The following HNRNPH1 variants were observed in gnomAD, a reference collection of about 807,000 sequenced individuals.
HNRNPH1 encodes heterogeneous nuclear ribonucleoprotein H1.
Under a neutral mutation model 58.6 loss-of-function variants are expected in HNRNPH1, and 4 were observed. That is an observed-to-expected ratio of 0.07 (90% confidence interval 0.03 to 0.16). HNRNPH1 has a LOEUF of 0.16. Ranked by LOEUF, HNRNPH1 falls within the 10% of genes least tolerant of loss-of-function variation. HNRNPH1 has a pLI of 1.00. For missense variants in HNRNPH1, 271 were observed against 564.2 expected, an observed-to-expected ratio of 0.48 and a Z score of 5.26; for synonymous variants, 192 against 189.2, an observed-to-expected ratio of 1.01 and a Z score of -0.12.
exon 1 of HNRNPH1, chr5:179,624,643 A>G (rs1774184890): frequency 2.5e-6 from 1 of 398,646 alleles, no homozygotes; most frequent in Non-Finnish European, 4.4e-6. Flanking sequence ...CTGCGAGATG[A>G]CTAATGTTCG....
exon 1 of HNRNPH1, chr5:179,624,600 G>A (rs1411206416): frequency 2.5e-6 from 1 of 398,660 alleles, no homozygotes; most frequent in Non-Finnish European, 4.4e-6. Context: ...CTGCATTCGA[G>A]GAGGCCCCCG....
chr5:179,627,112 A>G (rs1245186303), upstream of HNRNPH1, among the ~76,000 whole-genome samples: 1 of 152,100 alleles, frequency 6.6e-6, no homozygotes, highest in Admixed American at 6.5e-5. Context: ...CAGTTTACAG[A>G]GCTCTTTATT....
chr5:179,616,007 G>A, intron 11 of HNRNPH1, 119 bp downstream of exon 12: 2 of 821,184 alleles, frequency 2.4e-6, no homozygotes, highest in Non-Finnish European at 4.1e-6. Context: ...CCAACTAAAG[G>A]CACCTGCCTG....
At chr5:179,615,845 G>A in intron 11 of HNRNPH1, 1 of 520,610 alleles carries the variant, frequency 1.9e-6, no homozygotes, top group Non-Finnish European at 3.4e-6. Flanking sequence ...TGGCTCGACA[G>A]TATTCCAAAG....
chr5:179,614,670 T>A, exon 13 of HNRNPH1: 1 of 531,478 alleles, frequency 1.9e-6, no homozygotes, highest in African/African-American at 1.9e-5. Context: ...TAGATGAGTA[T>A]TGTATTCAAA....
intron 11 of HNRNPH1, 142 bp downstream of exon 12, chr5:179,615,984 A>G (rs1223231392): frequency 5.9e-6 from 4 of 680,882 alleles, no homozygotes; most frequent in Non-Finnish European, 1.1e-5. Flanking sequence ...CACCGAAAGG[A>G]GCCTGCATCT....
At chr5:179,623,002 C>T in intron 1 of HNRNPH1, 35 bp downstream of exon 2, 1 of 1,036,314 alleles carries the variant, frequency 9.6e-7, no homozygotes, top group Non-Finnish European at 1.3e-6. Flanking sequence ...GCCCCGGCCT[C>T]GAACTCGAAC....
chr5:179,619,210 A>G, intron 4 of HNRNPH1, 59 bp downstream of exon 5: 1 of 1,396,336 alleles, frequency 7.2e-7, no homozygotes, highest in Non-Finnish European at 9.9e-7. Context: ...CAGAGAGAAT[A>G]TGGATTTAAT....
chr5:179,624,425 C>T, exon 1 of HNRNPH1: 1 of 398,012 alleles, frequency 2.5e-6, no homozygotes, highest in Non-Finnish European at 4.4e-6. Flanking sequence ...TACCCCTTGA[C>T]CCGCCTAACG....
chr5:179,621,562 A>C, intron 1 of HNRNPH1, 165 bp from the exon 3 acceptor site: 1 of 604,260 alleles, frequency 1.7e-6, no homozygotes, highest in Non-Finnish European at 2.9e-6. Context: ...ATTAAAAAAA[A>C]ACAAACTCAT....
upstream of HNRNPH1, chr5:179,624,679 C>T (rs1054964131): frequency 3.3e-5 from 13 of 398,268 alleles, no homozygotes; most frequent in Non-Finnish European, 4.4e-5. Flanking sequence ...CTGCCCAAAA[C>T]CTAAGATGCC....
intron 8 of HNRNPH1, 86 bp downstream of exon 9, chr5:179,617,428 T>C (rs1770317784): frequency 7.0e-7 from 1 of 1,435,086 alleles, no homozygotes; most frequent in Non-Finnish European, 9.6e-7. Flanking sequence ...AAACTTCTCA[T>C]ATATCCTTAT....
chr5:179,615,509 G>A (rs777386707), intron 12 of HNRNPH1, 37 bp downstream of exon 13: 2 of 1,104,032 alleles, frequency 1.8e-6, no homozygotes, highest in Non-Finnish European at 2.8e-6. Context: ...ATCAGTATTT[G>A]CTATTGGGAA....
chr5:179,630,688 G>A (rs2127740340), intron 2 of HNRNPH1, among the ~76,000 whole-genome samples: 1 of 152,164 alleles, frequency 6.6e-6, no homozygotes, highest in African/African-American at 2.4e-5. Context: ...GAGGTGGGCG[G>A]ATCACAAGGT....
At chr5:179,620,645 A>T (rs1771906347) in intron 3 of HNRNPH1, 1 of 425,856 alleles carries the variant, frequency 2.3e-6, no homozygotes, top group South Asian at 3.3e-5. Flanking sequence ...GTTGAGGGCA[A>T]TCCTCAATGA....
chr5:179,627,393 A>T (rs1774491310), upstream of HNRNPH1, among the ~76,000 whole-genome samples: 1 of 149,798 alleles, frequency 6.7e-6, no homozygotes, highest in Non-Finnish European at 1.5e-5. Flanking sequence ...GGGTCTCACT[A>T]TGTTGCCCAG....
intron 2 of HNRNPH1, chr5:179,633,775 G>T (rs1775039097): frequency 6.6e-6 from 1 of 152,030 alleles, no homozygotes; most frequent in African/African-American, 2.4e-5. Flanking sequence ...TTAGCCAGGC[G>T]TCGCAGAGTG....
chr5:179,623,655 G>A lies in HNRNPH1; in HGVS notation c.-522C>T, dbSNP rs1312969028. The A allele has an allele frequency of 6.5e-6, 1 of 153,154 alleles. No individual in the cohort carries two copies. Among genetic ancestry groups the A allele is most frequent in the South Asian group, 1.9e-4 (1 of 5,400 alleles). 9.5% of individuals were successfully genotyped at this position (153,154 alleles called of 1,614,324 possible). A position where few individuals can be genotyped will look rare whatever the true frequency, so the allele number is the denominator to read the frequency against. On this transcript the variant is annotated 5_prime_UTR_variant, in exon 1 of 13. In the 5' UTR this introduces an upstream ATG that the reference lacks. Coordinates refer to ENST00000356731, the Ensembl canonical transcript of HNRNPH1. ...ACTCACCTAGACACGCGACTTCTGC[G>A]TGGCTAAGACGAAATGGCCAGCGGG...
At chr5:179,623,013 T>C in intron 1 of HNRNPH1, 24 bp downstream of exon 2, 2 of 1,130,120 alleles carry the variant, frequency 1.8e-6, no homozygotes, top group Non-Finnish European at 2.3e-6. Context: ...GAACTCGAAC[T>C]CCCGCGTCCT....
Sources: allele counts gnomAD v4.1 joint callset (sites outside exome capture counted in the v4.1 genomes callset), GRCh38; gene constraint gnomAD v4.1.1; transcripts MANE v1.5; gene names NCBI Gene and HGNC (gene_info 2026-07-23, HGNC 2026-07-21).